Variants in PTGER3 observed in about 807,000 individuals in gnomAD.
PTGER3 encodes prostaglandin E receptor 3, also known as prostaglandin E2 receptor EP3 subtype.
In PTGER3, 22 loss-of-function variants were observed where a neutral mutation model predicts 34.7. The observed-to-expected ratio is 0.63, with a 90% CI of 0.45 to 0.91. The LOEUF (loss-of-function observed/expected upper bound fraction) is 0.91, where lower values mean the gene tolerates loss of function less well. Ranked by LOEUF, PTGER3 falls within the 40% of genes least tolerant of loss-of-function variation. PTGER3 has a pLI of 0.00. For synonymous variants in PTGER3, 241 were observed against 230.1 expected, an observed-to-expected ratio of 1.05 and a Z score of -0.43; for missense variants, 468 against 519.4, an observed-to-expected ratio of 0.90 and a Z score of 0.96.
downstream of PTGER3, among the ~76,000 whole-genome samples, chr1:70,967,478 A>T (rs1209520537): frequency 2.6e-5 from 4 of 152,308 alleles, no homozygotes; most frequent in South Asian, 8.3e-4. Flanking sequence ...AGTAAAAAAA[A>T]TTCAGATAAT....
chr1:71,007,182 T>C (rs1306438469), intron 2 of PTGER3: 10 of 985,670 alleles, frequency 1.0e-5, no homozygotes, highest in Admixed American at 6.1e-5. Flanking sequence ...ATCTTTACAA[T>C]ATGGATTAAA....
chr1:70,887,988 A>C (rs1179545121), intron 4 of PTGER3, among the ~76,000 whole-genome samples: 3 of 152,208 alleles, frequency 2.0e-5, no homozygotes, highest in Non-Finnish European at 2.9e-5. Context: ...AAAGCAATGA[A>C]GCAATAACAC....
In PTGER3 at chr1:70,917,441, G is replaced by GTGTGTGTGTGTGTA. The variant is rs376536515; in HGVS notation, c.*23+36321_*23+36322insTACACACACACACA. ...TGTGTGTGTGTGTGTGTGTGTGTGT[G>GTGTGTGTGTGTGTA]TATACAATCAATTCCATAGAATGGC... On this transcript the variant is annotated intron_variant, in intron 4 of 4. Coordinates refer to the PTGER3 transcript ENST00000370931. 1.3e-3 allele frequency among the ~76,000 whole-genome samples: 177 copies of GTGTGTGTGTGTGTA among 137,430 alleles called. 3 individuals carry two copies. The highest frequency in any genetic ancestry group is 5.3e-3 in the African/African-American group (172 of 32,168). The allele number at this position is 137,430 out of a possible 152,430, so 90.2% of individuals were successfully genotyped here.
chr1:70,981,674 G>A (rs1249823142), intron 2 of PTGER3, among the ~76,000 whole-genome samples: 1 of 151,988 alleles, frequency 6.6e-6, no homozygotes, highest in Non-Finnish European at 1.5e-5. Context: ...CTCCCAAAGT[G>A]TTGGGATTAC....
intron 4 of PTGER3, among the ~76,000 whole-genome samples, chr1:70,856,307 G>A (rs896517047): frequency 2.3e-4 from 35 of 152,024 alleles, no homozygotes; most frequent in African/African-American, 8.2e-4. Context: ...GGGTGTGGTG[G>A]CAGGGGCCTG....
At chr1:70,981,867 C>T (rs1276252316) in intron 2 of PTGER3, among the ~76,000 whole-genome samples, 1 of 152,098 alleles carries the variant, frequency 6.6e-6, no homozygotes, top group African/African-American at 2.4e-5. Context: ...TCCCTGGTAC[C>T]CATCAATCAA....
At chr1:70,872,496 C>G (rs1646183745) in intron 4 of PTGER3, among the ~76,000 whole-genome samples, 1 of 152,294 alleles carries the variant, frequency 6.6e-6, no homozygotes, top group South Asian at 2.1e-4. Flanking sequence ...ACTGAGCATA[C>G]AGCTATTGCT....
chr1:70,899,348 T>C (rs1200722025), intron 4 of PTGER3, among the ~76,000 whole-genome samples: 1 of 152,194 alleles, frequency 6.6e-6, no homozygotes, highest in Admixed American at 6.5e-5. Context: ...TGCATATATA[T>C]AATTCACTCC....
intron 1 of PTGER3, among the ~76,000 whole-genome samples, chr1:71,037,574 T>C (rs914543675): frequency 1.3e-5 from 2 of 152,232 alleles, no homozygotes; most frequent in Non-Finnish European, 2.9e-5. Flanking sequence ...TCTATGCTTT[T>C]TCCTAATAAG....
chr1:70,913,092 C>T (rs536770710), intron 4 of PTGER3, among the ~76,000 whole-genome samples: 3 of 151,924 alleles, frequency 2.0e-5, no homozygotes, highest in African/African-American at 7.2e-5. Context: ...GGATTTCCAT[C>T]TTAGCAATAT....
At chr1:71,013,808 G>A (rs116017557) in intron 1 of PTGER3, among the ~76,000 whole-genome samples, 1,587 of 151,888 alleles carry the variant, frequency 0.01, 37 homozygotes, top group African/African-American at 0.037. Flanking sequence ...CAAGAGTACT[G>A]TATATGACTG....
chr1:71,014,593 A>G (rs1557741901), intron 1 of PTGER3, among the ~76,000 whole-genome samples: 5 of 152,050 alleles, frequency 3.3e-5, no homozygotes, highest in Admixed American at 1.3e-4. Flanking sequence ...CTATAATGGG[A>G]TTATTATCCT....
At chr1:70,954,304 G>A (rs947728891) in intron 2 of PTGER3, among the ~76,000 whole-genome samples, 4 of 152,072 alleles carry the variant, frequency 2.6e-5, no homozygotes, top group South Asian at 4.2e-4. Flanking sequence ...ACTAACCTAG[G>A]AAGGTCTATT....
intron 4 of PTGER3, among the ~76,000 whole-genome samples, chr1:70,895,896 T>C (rs1336521561): frequency 6.6e-6 from 1 of 152,198 alleles, no homozygotes; most frequent in East Asian, 1.9e-4. Flanking sequence ...AATAAAACTT[T>C]TTCACAGATC....
intron 4 of PTGER3, among the ~76,000 whole-genome samples, chr1:70,872,243 A>G (rs1408952977): frequency 2.0e-5 from 3 of 152,126 alleles, no homozygotes; most frequent in East Asian, 3.9e-4. Context: ...CTTGGTTTGT[A>G]TGTTCATATT....
intron 4 of PTGER3, among the ~76,000 whole-genome samples, chr1:70,926,125 C>T (rs1648059201): frequency 6.6e-6 from 1 of 152,132 alleles, no homozygotes; most frequent in Non-Finnish European, 1.5e-5. Context: ...AGATGTTGAG[C>T]TTCTGACCCA....
chr1:70,956,300 T>A (rs1048051346), intron 2 of PTGER3, among the ~76,000 whole-genome samples: 5 of 152,112 alleles, frequency 3.3e-5, no homozygotes, highest in African/African-American at 1.2e-4. Flanking sequence ...CAGGTGTTTG[T>A]CAAATACCAC....
Position 70,926,586 on chromosome 1 carries a change from G to A in PTGER3, c.*23+27177C>T, listed in dbSNP as rs28379070. Among the ~76,000 whole-genome samples, 94 of 152,124 alleles carry A rather than the reference G, an allele frequency of 6.2e-4. 1 individual carries two copies. The highest frequency in any genetic ancestry group is 3.4e-3 in the Middle Eastern group (1 of 294). ...CAGCTTAAGGAGATTTTGGGCTGAG[G>A]CAATGGGGTTTTCTAGATATACAAT... On this transcript the variant is annotated intron_variant, in intron 4 of 4. Transcript: ENST00000370931.
chr1:70,916,742 A>G (rs991610972), intron 4 of PTGER3, among the ~76,000 whole-genome samples: 1 of 151,904 alleles, frequency 6.6e-6, no homozygotes, highest in Non-Finnish European at 1.5e-5. Flanking sequence ...GGAGGAGGAG[A>G]ATGTGGGTTG....
Sources: allele counts gnomAD v4.1 joint callset (sites outside exome capture counted in the v4.1 genomes callset), GRCh38; gene constraint gnomAD v4.1.1; transcripts MANE v1.5; gene names NCBI Gene and HGNC (gene_info 2026-07-23, HGNC 2026-07-21).